The following IGSF21 variants were observed in gnomAD, a reference collection of about 807,000 sequenced individuals.
IGSF21 encodes immunoglobulin superfamily member 21.
Under a neutral mutation model 46.8 loss-of-function variants are expected in IGSF21, and 28 were observed. The observed-to-expected ratio is 0.60, with a 90% CI of 0.44 to 0.82. IGSF21 has a LOEUF of 0.82. IGSF21 is among the 40% of genes least tolerant of loss of function. The pLI, the probability that IGSF21 is intolerant of heterozygous loss-of-function variation, is 0.00. For missense variants in IGSF21, 624 were observed against 665.5 expected (o/e 0.94, Z 0.69); for synonymous variants, 284 against 273.6 (o/e 1.04, Z -0.38).
intron 1 of IGSF21, among the ~76,000 whole-genome samples, chr1:18,180,710 A>C (rs1005625210): frequency 3.9e-5 from 6 of 152,204 alleles, no homozygotes; most frequent in Non-Finnish European, 8.8e-5. Flanking sequence ...ATACTTACTT[A>C]TACAGAATTT....
At chr1:18,220,192 C>T (rs1284053161) in intron 1 of IGSF21, among the ~76,000 whole-genome samples, 3 of 152,150 alleles carry the variant, frequency 2.0e-5, no homozygotes, top group Non-Finnish European at 2.9e-5. Flanking sequence ...TGTCTGCTGA[C>T]GCATGGTTAA....
At chr1:18,172,909 GGT>G (rs111516776) in intron 1 of IGSF21, among the ~76,000 whole-genome samples, 4 of 152,038 alleles carry the variant, frequency 2.6e-5, no homozygotes, top group Non-Finnish European at 5.9e-5. Context: ...CATCCCCTCT[GGT>G]GTGTGTGTGT....
chr1:18,316,290 A>G (rs554571267), intron 3 of IGSF21, among the ~76,000 whole-genome samples: 2 of 152,324 alleles, frequency 1.3e-5, no homozygotes, highest in Non-Finnish European at 2.9e-5. Flanking sequence ...ACCACTGCTG[A>G]GGCCAGAGGG....
Position 18,335,060 on chromosome 1 carries a change from T to A in IGSF21, c.424+50T>A. The A allele has an allele frequency of 7.1e-7, 1 of 1,410,780 alleles. No homozygotes were observed. Among genetic ancestry groups the A allele is most frequent in the Non-Finnish European group, 1.0e-6 (1 of 995,314 alleles). 87.4% of individuals were successfully genotyped at this position (1,410,780 alleles called of 1,614,324 possible). On this transcript the variant is annotated intron_variant, in intron 4 of 9. Transcript: ENST00000251296. This position sits in a 1 kb window ranked among gnomAD's most constrained non-coding sequence, Gnocchi z 4.8. The stretch of plus-strand genomic sequence containing the variant: ...GGTGTCTCAGTGAGGAGGACGAGTA[T>A]GCTTGAGTGTGTGAATGTGCGCACA...
intron 3 of IGSF21, among the ~76,000 whole-genome samples, chr1:18,302,381 C>T (rs1464016795): frequency 6.6e-6 from 1 of 152,190 alleles, no homozygotes; most frequent in African/African-American, 2.4e-5. Flanking sequence ...TGATTCTTCT[C>T]CATGGCTCCT....
chr1:18,117,566 C>A (rs1263689431), intron 1 of IGSF21, among the ~76,000 whole-genome samples: 1 of 152,170 alleles, frequency 6.6e-6, no homozygotes, highest in Non-Finnish European at 1.5e-5. Context: ...TGCTGGGAAG[C>A]GTGAATGGAT....
chr1:18,188,814 C>A (rs572756495), intron 1 of IGSF21, among the ~76,000 whole-genome samples: 3 of 152,238 alleles, frequency 2.0e-5, no homozygotes, highest in Non-Finnish European at 2.9e-5. Context: ...CATAGCCAGA[C>A]GTGTCAGAGC....
chr1:18,261,255 A>G (rs1218033974), intron 2 of IGSF21, among the ~76,000 whole-genome samples: 1 of 152,230 alleles, frequency 6.6e-6, no homozygotes, highest in African/African-American at 2.4e-5. Context: ...GTTTTCCAGA[A>G]GTGTCATGCA....
intron 2 of IGSF21, among the ~76,000 whole-genome samples, chr1:18,238,256 C>T (rs1027303193): frequency 6.6e-6 from 1 of 152,168 alleles, no homozygotes; most frequent in Admixed American, 6.5e-5. Flanking sequence ...CGAGGTTGTG[C>T]CAGATGGCCC....
intron 3 of IGSF21, among the ~76,000 whole-genome samples, chr1:18,308,153 C>T (rs1258343711): frequency 1.3e-5 from 2 of 152,082 alleles, no homozygotes; most frequent in Non-Finnish European, 2.9e-5. Context: ...CCCTCATCAC[C>T]GCCAAACGCT....
intron 4 of IGSF21, among the ~76,000 whole-genome samples, chr1:18,344,326 G>A (rs2085871803): frequency 6.6e-6 from 1 of 152,112 alleles, no homozygotes; most frequent in African/African-American, 2.4e-5. Context: ...GTGCCACCAT[G>A]CCTGGCTAAT....
chr1:18,281,087 C>T (rs985423697), intron 2 of IGSF21, among the ~76,000 whole-genome samples: 1 of 94,304 alleles, frequency 1.1e-5, no homozygotes, highest in East Asian at 2.1e-4. Flanking sequence ...ACAGGCCTGG[C>T]CTGCAGGAGG....
intron 2 of IGSF21, among the ~76,000 whole-genome samples, chr1:18,281,777 G>GGGAGGCAGGGA (rs2085163527): frequency 6.6e-6 from 1 of 152,100 alleles, no homozygotes; most frequent in Non-Finnish European, 1.5e-5. Flanking sequence ...CATACTTGTC[G>GGGAGGCAGGGA]GGAGGCAGGG....
intron 3 of IGSF21, among the ~76,000 whole-genome samples, chr1:18,317,822 G>C (rs947221331): frequency 4.6e-5 from 7 of 152,220 alleles, no homozygotes; most frequent in African/African-American, 1.7e-4. Context: ...AGTGCCTTCT[G>C]TGTATTATCT....
intron 1 of IGSF21, among the ~76,000 whole-genome samples, chr1:18,163,121 G>A (rs949871604): frequency 3.9e-5 from 6 of 152,110 alleles, no homozygotes; most frequent in Admixed American, 2.0e-4. Context: ...GGCAGAGGCC[G>A]GGTATCGTAT....
intron 1 of IGSF21, among the ~76,000 whole-genome samples, chr1:18,159,532 G>T (rs2086597493): frequency 6.6e-6 from 1 of 152,132 alleles, no homozygotes; most frequent in African/African-American, 2.4e-5. Flanking sequence ...GTTTTATAAG[G>T]AGAAAACTCT....
At chr1:18,308,653 C>T (rs1161716265) in intron 3 of IGSF21, among the ~76,000 whole-genome samples, 1 of 152,158 alleles carries the variant, frequency 6.6e-6, no homozygotes, top group African/African-American at 2.4e-5. Context: ...GCTGTGGGAG[C>T]CAAGGATATG....
intron 1 of IGSF21, among the ~76,000 whole-genome samples, chr1:18,197,791 T>C (rs1195450006): frequency 1.3e-5 from 2 of 152,236 alleles, no homozygotes; most frequent in African/African-American, 4.8e-5. Context: ...CTACCTCATA[T>C]TGGGGCTATG....
At chr1:18,205,448 T>C (rs1232421179) in intron 1 of IGSF21, among the ~76,000 whole-genome samples, 1 of 152,246 alleles carries the variant, frequency 6.6e-6, no homozygotes, top group Admixed American at 6.5e-5. Flanking sequence ...CAGGACACGT[T>C]TGTCATCCGG....
Sources: allele counts gnomAD v4.1 joint callset (sites outside exome capture counted in the v4.1 genomes callset), GRCh38; gene constraint gnomAD v4.1.1; non-coding constraint Gnocchi (gnomAD v3.1); transcripts MANE v1.5; gene names NCBI Gene and HGNC (gene_info 2026-07-23, HGNC 2026-07-21).